The following PPP3R1 variants were observed in gnomAD, a reference collection of about 807,000 sequenced individuals.
PPP3R1 encodes protein phosphatase 3 regulatory subunit B, alpha.
In PPP3R1, 5 loss-of-function variants were observed where a neutral mutation model predicts 22.6. The ratio of observed to expected loss-of-function variants is 0.22; its 90% CI spans 0.12 to 0.46. PPP3R1 has a LOEUF of 0.46. Ranked by LOEUF, PPP3R1 falls within the 20% of genes least tolerant of loss-of-function variation. The pLI is 0.99. For missense variants in PPP3R1, 61 were observed against 203.2 expected, an observed-to-expected ratio of 0.30 and a Z score of 4.25; for synonymous variants, 56 against 65.2, an observed-to-expected ratio of 0.86 and a Z score of 0.68.
At chr2:68,200,184 T>C (rs929048883) in intron 2 of PPP3R1, among the ~76,000 whole-genome samples, 8 of 152,232 alleles carry the variant, frequency 5.3e-5, no homozygotes, top group African/African-American at 9.6e-5. Flanking sequence ...ATGGAACTTA[T>C]TGGCATAAAA....
At position 68,180,308 on chromosome 2, in the gene PPP3R1, AAGT is replaced by A. The variant is rs1674374813; in HGVS notation, c.*652_*654del. On this transcript the variant is annotated 3_prime_UTR_variant, in exon 6 of 6. Coordinates refer to ENST00000234310, the MANE Select transcript of PPP3R1 (RefSeq NM_000945.4). ...GTATTAAAAGCTGCTCAGCAATGAG[AAGT>A]AGTCCCTGGATATATTCATAAGTAT... 1 of 152,532 alleles carries A rather than the reference AAGT, an allele frequency of 6.6e-6. No individual in the cohort carries two copies. Among genetic ancestry groups the A allele is most frequent in the South Asian group, 2.1e-4 (1 of 4,826 alleles). The allele number at this position is 152,532 out of a possible 1,614,324, so 9.4% of individuals were successfully genotyped here. A position where few individuals can be genotyped will look rare whatever the true frequency, so the allele number is the denominator to read the frequency against.
intron 1 of PPP3R1, among the ~76,000 whole-genome samples, chr2:68,224,767 A>G (rs942086928): frequency 6.6e-6 from 1 of 152,198 alleles, no homozygotes; most frequent in Non-Finnish European, 1.5e-5. Flanking sequence ...ACACACACAC[A>G]ATTTTCAAGA....
chr2:68,242,903 A>T (rs1350038735), intron 1 of PPP3R1, among the ~76,000 whole-genome samples: 1 of 152,218 alleles, frequency 6.6e-6, no homozygotes, highest in Non-Finnish European at 1.5e-5. Flanking sequence ...GCTTCATTCT[A>T]TTGTAACTAG....
intron 5 of PPP3R1, among the ~76,000 whole-genome samples, chr2:68,184,555 T>G (rs1033238473): frequency 2.0e-5 from 3 of 152,310 alleles, no homozygotes; most frequent in Non-Finnish European, 4.4e-5. Context: ...TCTGTAAGAA[T>G]TATTTGTATA....
At chr2:68,241,913 G>C (rs1193094346) in intron 1 of PPP3R1, among the ~76,000 whole-genome samples, 2 of 150,748 alleles carry the variant, frequency 1.3e-5, no homozygotes, top group African/African-American at 2.4e-5. Context: ...AATCATTGTA[G>C]ACAAGCAGTA....
In PPP3R1 at chr2:68,181,686, C is replaced by T. The variant is rs141364185; in HGVS notation, c.466-676G>A. ...CAGGCTATGGGCAGGATCTGGTTTGCTCTGTAGTTTGCTGGCCCCTACTTC... is the reference window on the plus strand; with the variant it reads ...CAGGCTATGGGCAGGATCTGGTTTGTTCTGTAGTTTGCTGGCCCCTACTTC... On this transcript the variant is annotated intron_variant, in intron 5 of 5. Transcript: ENST00000234310. Among the ~76,000 whole-genome samples the T allele has an allele frequency of 2.2e-3, 326 of 150,684 alleles. 3 individuals are homozygous for T. Among genetic ancestry groups the T allele is most frequent in the African/African-American group, 7.8e-3 (318 of 40,766 alleles).
At chr2:68,201,537 C>A (rs949247932) in intron 2 of PPP3R1, among the ~76,000 whole-genome samples, 1 of 152,168 alleles carries the variant, frequency 6.6e-6, no homozygotes, top group African/African-American at 2.4e-5. Context: ...CTAATTTGAA[C>A]CAACTGCTTT....
chr2:68,230,894 T>C (rs1669884224), intron 1 of PPP3R1, among the ~76,000 whole-genome samples: 1 of 152,202 alleles, frequency 6.6e-6, no homozygotes, highest in African/African-American at 2.4e-5. Flanking sequence ...GAAGTGTAAT[T>C]TCTCTCGTGC....
intron 1 of PPP3R1, among the ~76,000 whole-genome samples, chr2:68,241,928 A>C (rs1414733514): frequency 6.6e-6 from 1 of 152,156 alleles, no homozygotes; most frequent in Non-Finnish European, 1.5e-5. Flanking sequence ...GCAGTATCTA[A>C]TGGAAACTTC....
At chr2:68,190,546 A>C (rs957635131) in intron 2 of PPP3R1, among the ~76,000 whole-genome samples, 2 of 152,184 alleles carry the variant, frequency 1.3e-5, no homozygotes, top group Admixed American at 6.5e-5. Context: ...AGCCTGGGCG[A>C]CAAAAGGGAA....
chr2:68,193,637 C>T (rs1473895873), intron 2 of PPP3R1, among the ~76,000 whole-genome samples: 1 of 152,038 alleles, frequency 6.6e-6, no homozygotes, highest in African/African-American at 2.4e-5. Flanking sequence ...ATTACTGGCA[C>T]CTGAGGGGCA....
chr2:68,198,505 G>GTATATATATGTATATAAATA (rs1674885215), intron 2 of PPP3R1, among the ~76,000 whole-genome samples: 1 of 60,906 alleles, frequency 1.6e-5, no homozygotes, highest in Non-Finnish European at 3.2e-5. Flanking sequence ...ATATATATGT[G>GTATATATATGTATATAAATA]TATACATATA....
At chr2:68,221,043 C>CA (rs1669679306) in intron 1 of PPP3R1, among the ~76,000 whole-genome samples, 1 of 151,328 alleles carries the variant, frequency 6.6e-6, no homozygotes, top group African/African-American at 2.4e-5. Context: ...ACAAAAAATA[C>CA]AAAAAAGGCC....
At chr2:68,250,869 G>T (rs759474963) in intron 1 of PPP3R1, 6 of 152,118 alleles carry the variant, frequency 3.9e-5, no homozygotes, top group Non-Finnish European at 7.4e-5. Flanking sequence ...TCACCAAATC[G>T]ATTTTAAGTT....
chr2:68,195,675 T>C (rs1471724864), intron 2 of PPP3R1, among the ~76,000 whole-genome samples: 1 of 152,152 alleles, frequency 6.6e-6, no homozygotes, highest in Admixed American at 6.6e-5. Flanking sequence ...TCTACATTAA[T>C]TGGGATGCTC....
At chr2:68,215,748 A>G (rs551476532) in intron 2 of PPP3R1, among the ~76,000 whole-genome samples, 44 of 152,312 alleles carry the variant, frequency 2.9e-4, no homozygotes, top group Middle Eastern at 6.8e-3. Context: ...ATAGAAGACA[A>G]CCAAATTAAG....
intron 2 of PPP3R1, among the ~76,000 whole-genome samples, chr2:68,206,608 G>C (rs1675130915): frequency 6.6e-6 from 1 of 152,180 alleles, no homozygotes; most frequent in African/African-American, 2.4e-5. Flanking sequence ...ATCCTACACA[G>C]CTTTCAAATG....
intron 2 of PPP3R1, among the ~76,000 whole-genome samples, chr2:68,191,698 G>T (rs1453903442): frequency 1.3e-5 from 2 of 152,170 alleles, no homozygotes; most frequent in African/African-American, 4.8e-5. Flanking sequence ...AAATTATTAT[G>T]TAGCACATTA....
At position 68,192,165 on chromosome 2, in the gene PPP3R1, T is replaced by C. The variant is rs114675321; in HGVS notation, c.44-3475A>G. On this transcript the variant is annotated intron_variant, in intron 2 of 5. Transcript: ENST00000234310. ...ATTCAGAACAGTGTCTCAAAGTTCA[T>C]AGATTTTGCTGAAGAGCTACCCTCT... 2.4e-3 allele frequency among the ~76,000 whole-genome samples: 364 copies of C among 152,308 alleles called. 3 individuals carry two copies. Among genetic ancestry groups the C allele is most frequent in the African/African-American group, 8.4e-3 (349 of 41,576 alleles).
Sources: allele counts gnomAD v4.1 joint callset (sites outside exome capture counted in the v4.1 genomes callset), GRCh38; gene constraint gnomAD v4.1.1; transcripts MANE v1.5; gene names NCBI Gene and HGNC (gene_info 2026-07-23, HGNC 2026-07-21).